TRAPPC9: variants seen among roughly 807,000 people sequenced by gnomAD.
TRAPPC9 encodes trafficking protein particle complex subunit 9.
Under a neutral mutation model 124.0 loss-of-function variants are expected in TRAPPC9, and 83 were observed. The ratio of observed to expected loss-of-function variants is 0.67; its 90% CI spans 0.56 to 0.80. TRAPPC9 has a LOEUF of 0.80. Among genes scored for constraint, TRAPPC9 ranks in the 30% least tolerant of loss-of-function variants. TRAPPC9 has a pLI of 0.00. For missense variants in TRAPPC9, 1,302 were observed against 1,508.3 expected (o/e 0.86, Z 2.27); for synonymous variants, 638 against 617.5 (o/e 1.03, Z -0.49).
intron 17 of TRAPPC9, among the ~76,000 whole-genome samples, chr8:140,082,581 A>G (rs1843899294): frequency 6.6e-6 from 1 of 152,222 alleles, no homozygotes; most frequent in South Asian, 2.1e-4. Flanking sequence ...AAAGGAATAT[A>G]AATGACTGAA....
At chr8:139,980,926 C>T (rs1836851918) in intron 19 of TRAPPC9, among the ~76,000 whole-genome samples, 1 of 152,200 alleles carries the variant, frequency 6.6e-6, no homozygotes, top group Admixed American at 6.5e-5. Context: ...GGAAAACCTC[C>T]TGTCGAAGGT....
chr8:140,226,446 G>C (rs1255419936), intron 16 of TRAPPC9, among the ~76,000 whole-genome samples: 6 of 151,892 alleles, frequency 4.0e-5, no homozygotes. Flanking sequence ...ACAAAAAACA[G>C]CTGGGCGTGG....
Position 140,380,032 on chromosome 8 carries a change from G to A in TRAPPC9, c.1135-8852C>T, listed in dbSNP as rs531605833. Among the ~76,000 whole-genome samples the A allele has an allele frequency of 1.3e-3, 202 of 152,222 alleles. 2 individuals are homozygous for A. The highest frequency in any genetic ancestry group is 4.8e-3 in the African/African-American group (198 of 41,530). On this transcript the variant is annotated intron_variant, in intron 7 of 22. Coordinates refer to ENST00000438773, the MANE Select transcript of TRAPPC9 (RefSeq NM_001160372.4). ...GTAAAACACCTCCAATGGATCTACA[G>A]ACTCAATGCGATCCCTATCAAAATC...
At chr8:140,215,281 G>A (rs567623267) in intron 17 of TRAPPC9, among the ~76,000 whole-genome samples, 105 of 152,194 alleles carry the variant, frequency 6.9e-4, no homozygotes, top group Non-Finnish European at 9.3e-4. Context: ...GGCCCTTCAC[G>A]GACCTTTCCC....
At chr8:139,836,353 C>T (rs994233481) in intron 21 of TRAPPC9, among the ~76,000 whole-genome samples, 1 of 152,216 alleles carries the variant, frequency 6.6e-6, no homozygotes, top group East Asian at 1.9e-4. Context: ...CATCTCAGAC[C>T]CCGGAGCGGG....
upstream of TRAPPC9, chr8:140,458,163 G>T: frequency 2.1e-6 from 3 of 1,439,284 alleles, no homozygotes; most frequent in Non-Finnish European, 2.8e-6. Context: ...GGAGATGGAG[G>T]GAGATGGAGC....
chr8:140,356,892 G>T (rs1325838556), intron 9 of TRAPPC9, among the ~76,000 whole-genome samples: 1 of 152,164 alleles, frequency 6.6e-6, no homozygotes. Context: ...TTACAGGAGT[G>T]AGCCACCATG....
intron 15 of TRAPPC9, among the ~76,000 whole-genome samples, chr8:140,258,292 GCGTTCACA>G (rs1350071048): frequency 6.6e-6 from 1 of 152,242 alleles, no homozygotes; most frequent in African/African-American, 2.4e-5. Flanking sequence ...CTTGTTCTCC[GCGTTCACA>G]CGCTCCCTGG....
intron 17 of TRAPPC9, among the ~76,000 whole-genome samples, chr8:140,213,102 T>G (rs13276134): frequency 4.8e-4 from 73 of 151,876 alleles, no homozygotes; most frequent in African/African-American, 1.7e-3. Flanking sequence ...TGTTTTTTTG[T>G]TTTTTTACTT....
chr8:139,785,250 T>C (rs1822142754), intron 21 of TRAPPC9, among the ~76,000 whole-genome samples: 1 of 152,120 alleles, frequency 6.6e-6, no homozygotes, highest in African/African-American at 2.4e-5. Context: ...AGTCCCTACG[T>C]TGTATTCTGT....
chr8:140,409,789 G>T (rs1205295802), intron 5 of TRAPPC9, among the ~76,000 whole-genome samples: 2 of 152,134 alleles, frequency 1.3e-5, no homozygotes, highest in Admixed American at 6.5e-5. Flanking sequence ...TAAAAAATAA[G>T]AAGAAGAAAA....
intron 17 of TRAPPC9, among the ~76,000 whole-genome samples, chr8:140,116,878 G>A (rs1277173161): frequency 6.6e-6 from 1 of 151,388 alleles, no homozygotes; most frequent in African/African-American, 2.4e-5. Context: ...TCAGTGAGTA[G>A]GCGGAGTTCA....
At chr8:140,279,883 T>C (rs777713847) in intron 14 of TRAPPC9, among the ~76,000 whole-genome samples, 26 of 152,236 alleles carry the variant, frequency 1.7e-4, no homozygotes, top group Non-Finnish European at 2.8e-4. Flanking sequence ...AAAGTTAAAG[T>C]ACCTCTTCTC....
intron 17 of TRAPPC9, among the ~76,000 whole-genome samples, chr8:140,202,959 C>T (rs1332357238): frequency 6.6e-6 from 1 of 152,204 alleles, no homozygotes; most frequent in African/African-American, 2.4e-5. Flanking sequence ...GTAAGACATT[C>T]TACAGGACAA....
intron 17 of TRAPPC9, among the ~76,000 whole-genome samples, chr8:140,209,332 T>C (rs1180176826): frequency 6.6e-6 from 1 of 152,202 alleles, no homozygotes; most frequent in Non-Finnish European, 1.5e-5. Context: ...AGGTGCTCAC[T>C]GGATGTTTGC....
chr8:140,269,132 T>C (rs1320330750), intron 15 of TRAPPC9, among the ~76,000 whole-genome samples: 3 of 152,168 alleles, frequency 2.0e-5, no homozygotes, highest in African/African-American at 7.2e-5. Context: ...CACATGTCAC[T>C]GTACATGTAT....
At chr8:139,852,815 T>C (rs1387140710) in intron 21 of TRAPPC9, among the ~76,000 whole-genome samples, 1 of 152,088 alleles carries the variant, frequency 6.6e-6, no homozygotes, top group African/African-American at 2.4e-5. Context: ...CATGAAAAGG[T>C]AAGTTCATGA....
At chr8:140,015,751 C>G (rs942294119) in intron 18 of TRAPPC9, among the ~76,000 whole-genome samples, 1 of 151,980 alleles carries the variant, frequency 6.6e-6, no homozygotes, top group East Asian at 1.9e-4. Flanking sequence ...GAGGCTGCAG[C>G]GAGCTGAGGT....
chr8:139,957,802 C>T (rs1835098919), intron 19 of TRAPPC9, among the ~76,000 whole-genome samples: 1 of 152,224 alleles, frequency 6.6e-6, no homozygotes, highest in Non-Finnish European at 1.5e-5. Context: ...CGGGCCGAGC[C>T]ATCAGCAGAA....
Sources: gnomAD v4.1 joint callset for allele counts (sites outside exome capture counted in the v4.1 genomes callset) on GRCh38, gnomAD v4.1.1 for gene constraint, MANE v1.5 for transcripts, NCBI Gene and HGNC (gene_info 2026-07-23, HGNC 2026-07-21) for gene names.